The following EPG5 variants were observed in gnomAD, a reference collection of about 807,000 sequenced individuals.
The protein encoded by EPG5 is ectopic P-granules 5 autophagy tethering factor.
In EPG5, 159 loss-of-function variants were observed where a neutral mutation model predicts 302.7. The observed-to-expected ratio is 0.53, with a 90% CI of 0.46 to 0.60. The LOEUF (loss-of-function observed/expected upper bound fraction) is 0.60. Ranked by LOEUF, EPG5 falls within the 20% of genes least tolerant of loss-of-function variation. The pLI, the probability that EPG5 is intolerant of heterozygous loss-of-function variation, is 0.00. For synonymous variants in EPG5, 1,158 were observed against 1,136.8 expected, an observed-to-expected ratio of 1.02 and a Z score of -0.37; for missense variants, 2,896 against 3,092.4, an observed-to-expected ratio of 0.94 and a Z score of 1.51.
At chr18:45,816,853 C>T in the EPG5 span, among the ~76,000 whole-genome samples, 4 of 152,132 alleles carry the variant, frequency 2.6e-5, no homozygotes, top group South Asian at 2.1e-4. Flanking sequence ...ATTACAAAAA[C>T]GTGGAACCAA....
At chr18:45,901,734 G>A (rs1041060989) in intron 25 of EPG5, among the ~76,000 whole-genome samples, 1 of 151,420 alleles carries the variant, frequency 6.6e-6, no homozygotes, top group Non-Finnish European at 1.5e-5. Flanking sequence ...CTCAACAAAT[G>A]ATTTATGGAG....
chr18:45,870,121 A>G (rs1168118000), intron 36 of EPG5, among the ~76,000 whole-genome samples: 1 of 152,190 alleles, frequency 6.6e-6, no homozygotes, highest in Admixed American at 6.5e-5. Flanking sequence ...AATGCATTTT[A>G]TCTCCTATAA....
At chr18:45,801,928 G>A in the EPG5 span, among the ~76,000 whole-genome samples, 8 of 152,114 alleles carry the variant, frequency 5.3e-5, no homozygotes, top group Non-Finnish European at 1.2e-4. Context: ...AGGGAGGGCT[G>A]AGCTTTATCA....
At chr18:45,881,665 C>G (rs1350915240) in intron 31 of EPG5, among the ~76,000 whole-genome samples, 1 of 152,108 alleles carries the variant, frequency 6.6e-6, no homozygotes, top group Admixed American at 6.5e-5. Context: ...ATAAAAAAGC[C>G]TACCCTATTT....
chr18:45,875,321 A>G (rs1406067842), intron 35 of EPG5, among the ~76,000 whole-genome samples: 2 of 152,234 alleles, frequency 1.3e-5, no homozygotes, highest in African/African-American at 4.8e-5. Flanking sequence ...GCAGCATAAG[A>G]CAACCCCCAA....
At chr18:45,921,176 G>A (rs1417177725) in intron 16 of EPG5, among the ~76,000 whole-genome samples, 1 of 152,164 alleles carries the variant, frequency 6.6e-6, no homozygotes, top group Non-Finnish European at 1.5e-5. Context: ...AACAACCCAA[G>A]GAAAGCTATC....
At chr18:45,913,889 T>C (rs2049968859) in intron 20 of EPG5, 61 bp from the exon 21 acceptor site, 2 of 1,573,852 alleles carry the variant, frequency 1.3e-6, no homozygotes, top group South Asian at 1.2e-5. Flanking sequence ...ACGAAATACA[T>C]CCTGATATTC....
chr18:45,801,067 C>T, the EPG5 span, among the ~76,000 whole-genome samples: 2 of 151,932 alleles, frequency 1.3e-5, no homozygotes, highest in Non-Finnish European at 2.9e-5. Context: ...GATGGAGTCT[C>T]GCTTTGTCAC....
At position 45,943,732 on chromosome 18, in the gene EPG5, T is replaced by A. The variant is rs142457576; in HGVS notation, c.1792+273A>T. 0.092 allele frequency among the ~76,000 whole-genome samples: 13,974 copies of A among 152,000 alleles called. 693 individuals carry two copies. The highest frequency in any genetic ancestry group is 0.14 in the African/African-American group (5,635 of 41,420). On this transcript the variant is annotated intron_variant, in intron 8 of 43. Transcript: ENST00000282041. ...GTCAGGAGATGGAGACCATCCTGGC[T>A]AACACGGTGAAACCCCGTCTCTACT... is the stretch of plus-strand genomic sequence containing the variant.
chr18:45,954,856 T>C lies in EPG5; in HGVS notation c.546A>G (p.Lys182=), dbSNP rs2050989546. Residue 182 remains lysine, a synonymous_variant, in exon 2 of 44, where the codon AAA becomes AAG. Transcript: ENST00000282041. ...VRETQNSKED[K]QGLVCSSEVP... Reference sequence around the variant, plus strand: ...CCTCTGAAGAACAAACCAGGCCTTGTTTGTCTTCTTTACTATTCTGAGTTT... The same window carrying C: ...CCTCTGAAGAACAAACCAGGCCTTGCTTGTCTTCTTTACTATTCTGAGTTT... 2.5e-6 allele frequency: 4 copies of C among 1,614,104 alleles called. No individual in the cohort carries two copies. The highest frequency in any genetic ancestry group is 1.7e-5 in the Admixed American group (1 of 60,002).
Position 45,954,948 on chromosome 18 carries a change from A to T in EPG5, c.454T>A (p.Ser152Thr). 6.2e-7 allele frequency: 1 copy of T among 1,613,700 alleles called. No individual in the cohort carries two copies. The highest frequency in any genetic ancestry group is 8.5e-7 in the Non-Finnish European group (1 of 1,179,902). The change falls in exon 2 of 44, where the codon TCA becomes ACA. Residue 152 changes from serine (S) to threonine (T), a missense_variant. Physicochemically the swap from Ser to Thr is moderately conservative, Grantham distance 58. Transcript: ENST00000282041. ...AAATTAGATTGGGGTGCACTTTCTG[A>T]AAGTCCACCTTGTACCGACATATTT... ...EENMSVQGGL[S>T]ESAPQSNFSY...
intron 23 of EPG5, among the ~76,000 whole-genome samples, chr18:45,909,809 C>A (rs537013087): frequency 6.6e-6 from 1 of 152,280 alleles, no homozygotes; most frequent in Admixed American, 6.5e-5. Flanking sequence ...AAGAGCTATT[C>A]TAAGCTACGT....
At chr18:45,907,749 A>G (rs1001991992) in intron 24 of EPG5, 68 of 429,068 alleles carry the variant, frequency 1.6e-4, no homozygotes, top group Middle Eastern at 6.0e-4. Flanking sequence ...TCAAGCCTTC[A>G]GGTAGAAGGC....
At position 45,931,766 on chromosome 18, in the gene EPG5, C is replaced by T. The variant is rs62095411; in HGVS notation, c.2258-936G>A. ...AGGAGAATCACTTGAACCTGGGAGG[C>T]GGAGGTTGCAGTGAGCCAAGATCAC... On this transcript the variant is annotated intron_variant, in intron 11 of 43. Coordinates refer to ENST00000282041, the MANE Select transcript of EPG5 (RefSeq NM_020964.3). 2.8e-3 allele frequency among the ~76,000 whole-genome samples: 427 copies of T among 152,072 alleles called. 3 individuals carry two copies. The highest frequency in any genetic ancestry group is 0.018 in the South Asian group (89 of 4,818).
At chr18:45,867,512 AAAGATC>A in intron 37 of EPG5, 45 bp downstream of exon 37, 1 of 1,479,338 alleles carries the variant, frequency 6.8e-7, no homozygotes, top group Non-Finnish European at 9.4e-7. Context: ...AGTAGAAAGC[AAAGATC>A]TAAGCAGCCT....
At chr18:45,887,270 T>C (rs540078475) in intron 29 of EPG5, among the ~76,000 whole-genome samples, 141 of 152,258 alleles carry the variant, frequency 9.3e-4, no homozygotes, top group African/African-American at 3.1e-3. Flanking sequence ...GACACAGCAG[T>C]GGGGAGGTGG....
At chr18:45,876,855 C>T (rs1228934259) in intron 34 of EPG5, among the ~76,000 whole-genome samples, 2 of 152,138 alleles carry the variant, frequency 1.3e-5, no homozygotes, top group African/African-American at 4.8e-5. Context: ...ACGATCTTGG[C>T]TCACTGCAAC....
chr18:45,865,782 A>G (rs2048733758), intron 38 of EPG5, 23 bp from the exon 39 acceptor site: 1 of 1,579,066 alleles, frequency 6.3e-7, no homozygotes, highest in Non-Finnish European at 8.6e-7. Flanking sequence ...AAAAAAAAAA[A>G]TCATTCAAAT....
At chr18:45,958,167 C>G (rs1277379451) in intron 1 of EPG5, among the ~76,000 whole-genome samples, 1 of 152,144 alleles carries the variant, frequency 6.6e-6, no homozygotes, top group Admixed American at 6.5e-5. Context: ...CAAAACATTA[C>G]TGAAAGAAAT....
Sources: allele counts gnomAD v4.1 joint callset (sites outside exome capture counted in the v4.1 genomes callset), GRCh38; gene constraint gnomAD v4.1.1; transcripts MANE v1.5; gene names NCBI Gene and HGNC (gene_info 2026-07-23, HGNC 2026-07-21).